The following PIGN variants were observed in gnomAD, a reference collection of about 807,000 sequenced individuals.
PIGN encodes phosphatidylinositol glycan anchor biosynthesis class N, also known as GPI ethanolamine phosphate transferase 1.
PIGN carries 117 observed loss-of-function variants against 125.4 expected under a neutral mutation model. The observed-to-expected ratio is 0.93, with a 90% confidence interval of 0.80 to 1.09. PIGN has a LOEUF of 1.09. Ranked by LOEUF, PIGN falls within the 50% of genes least tolerant of loss-of-function variation. PIGN has a pLI of 0.00. For missense variants in PIGN, 1,075 were observed against 1,094.9 expected (o/e 0.98, Z 0.26); for synonymous variants, 392 against 377.8 (o/e 1.04, Z -0.44).
rs945035029 is a variant in PIGN, at chr18:62,063,271, T to G, written c.2672+9402A>C. ...ATGGTTTTATAGATTTTAGCCAAAA[T>G]CTATGGTTTTATAGATTTTAGCCAA... On this transcript the variant is annotated intron_variant, in intron 30 of 30. Transcript: ENST00000640252. Among the ~76,000 whole-genome samples, 4 of 148,882 alleles carry G rather than the reference T, an allele frequency of 2.7e-5. 1 individual carries two copies. The highest frequency in any genetic ancestry group is 6.0e-5 in the Non-Finnish European group (4 of 67,072).
At chr18:62,053,978 A>G (rs953604854) in intron 30 of PIGN, among the ~76,000 whole-genome samples, 1 of 152,220 alleles carries the variant, frequency 6.6e-6, no homozygotes, top group Non-Finnish European at 1.5e-5. Context: ...AAACTAAACA[A>G]CACAACTGTA....
At chr18:62,034,817 G>A (rs1168309443) in intron 23 of PIGN, among the ~76,000 whole-genome samples, 1 of 152,146 alleles carries the variant, frequency 6.6e-6, no homozygotes, top group Non-Finnish European at 1.5e-5. Context: ...ACTTTGGACT[G>A]TGGACTTCTG....
chr18:62,159,371 G>A (rs17643265), intron 4 of PIGN, among the ~76,000 whole-genome samples: 283 of 152,272 alleles, frequency 1.9e-3, no homozygotes, highest in Non-Finnish European at 3.1e-3. Flanking sequence ...CAGAGCTTCC[G>A]TTAGTAAGAT....
chr18:62,100,164 T>C (rs1429013996), intron 22 of PIGN, among the ~76,000 whole-genome samples: 2 of 151,958 alleles, frequency 1.3e-5, no homozygotes, highest in Non-Finnish European at 2.9e-5. Flanking sequence ...ATGATCTGAG[T>C]AGACATTTCT....
intron 10 of PIGN, 31 bp downstream of exon 10, chr18:62,145,878 T>A: frequency 9.5e-7 from 1 of 1,053,882 alleles, no homozygotes; most frequent in East Asian, 2.4e-5. Flanking sequence ...TAAGAGGTTG[T>A]ATTTATAAAC....
At chr18:62,081,976 C>T (rs920570066) in intron 28 of PIGN, among the ~76,000 whole-genome samples, 1 of 152,076 alleles carries the variant, frequency 6.6e-6, no homozygotes, top group Admixed American at 6.5e-5. Context: ...TTTCTTTCAG[C>T]ATTGAATATG....
At chr18:62,050,571 A>C (rs980815647) in intron 30 of PIGN, among the ~76,000 whole-genome samples, 12 of 151,164 alleles carry the variant, frequency 7.9e-5, no homozygotes, top group Admixed American at 7.9e-4. Context: ...ACTTTGCTGA[A>C]GTTGCTTATC....
Position 62,072,378 on chromosome 18 carries a change from A to G in PIGN, c.2672+295T>C, listed in dbSNP as rs950907373. 1.9e-5 allele frequency: 4 copies of G among 215,150 alleles called. No individual in the cohort carries two copies. In the East Asian group the frequency reaches 3.9e-4, roughly 21 times the overall value. 13.3% of individuals were successfully genotyped at this position (215,150 alleles called of 1,614,324 possible). ...CATGGTAAGTGTCCTAGATAGGTAT[A>G]CCAGTTAAAAAATCTTTTACACTGA... On this transcript the variant is annotated intron_variant, in intron 30 of 30. Transcript: ENST00000640252.
At chr18:62,058,871 TG>T (rs2031923006) in intron 30 of PIGN, 1 of 151,904 alleles carries the variant, frequency 6.6e-6, no homozygotes, top group African/African-American at 2.4e-5. Context: ...ACTCCAAAAT[TG>T]GTACCAGCTC....
At chr18:62,118,980 T>A (rs970443552) in intron 14 of PIGN, among the ~76,000 whole-genome samples, 6 of 151,490 alleles carry the variant, frequency 4.0e-5, no homozygotes, top group Non-Finnish European at 7.4e-5. Flanking sequence ...GAAGTTTTGG[T>A]AGTCTCAAGA....
chr18:62,105,704 T>A lies in PIGN; in HGVS notation c.1768-70A>T, dbSNP rs527468534. 4 of 782,416 alleles carry A rather than the reference T, an allele frequency of 5.1e-6. No homozygotes were observed. The East Asian group carries it at 1.1e-4, about 22-fold the overall frequency. The allele number at this position is 782,416 out of a possible 1,614,324, so 48.5% of individuals were successfully genotyped here. Reference sequence around the variant, plus strand: ...AAACTATCATTAGTGTTTCACAGACTATATGACTGTGAAGGTAAAAGGAAA... The same window carrying A: ...AAACTATCATTAGTGTTTCACAGACAATATGACTGTGAAGGTAAAAGGAAA... On this transcript the variant is annotated intron_variant, in intron 19 of 30. Transcript: ENST00000640252.
At chr18:62,160,259 G>T (rs1175784888) in intron 4 of PIGN, among the ~76,000 whole-genome samples, 3 of 152,194 alleles carry the variant, frequency 2.0e-5, no homozygotes, top group South Asian at 2.1e-4. Context: ...AGGCCTTTCA[G>T]GAGTTGCCAC....
At chr18:62,162,529 A>C (rs2036992029) in intron 2 of PIGN, 200 bp from the exon 3 acceptor site, 1 of 152,168 alleles carries the variant, frequency 6.6e-6, no homozygotes, top group Non-Finnish European at 1.5e-5. Flanking sequence ...AAAACAAATG[A>C]AACATTGGAA....
At chr18:62,082,298 C>T (rs2033484318) in intron 28 of PIGN, among the ~76,000 whole-genome samples, 1 of 152,070 alleles carries the variant, frequency 6.6e-6, no homozygotes, top group Non-Finnish European at 1.5e-5. Flanking sequence ...ATTTATATAA[C>T]ATATTTAAGA....
At chr18:62,095,532 A>C (rs1374764122) in intron 23 of PIGN, among the ~76,000 whole-genome samples, 1 of 152,220 alleles carries the variant, frequency 6.6e-6, no homozygotes, top group Non-Finnish European at 1.5e-5. Context: ...GAATGCAATA[A>C]AAATAAAAAT....
intron 28 of PIGN, among the ~76,000 whole-genome samples, chr18:62,077,100 G>A (rs543450994): frequency 9.8e-5 from 15 of 152,306 alleles, no homozygotes; most frequent in African/African-American, 3.6e-4. Context: ...GCTTTAGAAT[G>A]AGTGCGGTGG....
At position 62,082,754 on chromosome 18, in the gene PIGN, A is replaced by G. The variant is rs2145912826; in HGVS notation, c.2503-8T>C. On this transcript the variant is annotated splice_region_variant and splice_polypyrimidine_tract_variant and intron_variant, in intron 27 of 30. Coordinates refer to ENST00000640252, the MANE Select transcript of PIGN (RefSeq NM_176787.5). ...AACAAAGGGGATTAAAATCTGTAAA[A>G]GAACAATAAATGATGCAAGGAATAA... The G allele has an allele frequency of 1.4e-6, 2 of 1,476,866 alleles. No homozygotes were observed. The highest frequency in any genetic ancestry group is 1.9e-6 in the Non-Finnish European group (2 of 1,079,710). 91.5% of individuals were successfully genotyped at this position (1,476,866 alleles called of 1,614,324 possible). A position where few individuals can be genotyped will look rare whatever the true frequency, so the allele number is the denominator to read the frequency against.
intron 23 of PIGN, among the ~76,000 whole-genome samples, chr18:62,029,857 T>A (rs1201994934): frequency 6.6e-6 from 1 of 152,180 alleles, no homozygotes; most frequent in East Asian, 1.9e-4. Flanking sequence ...CCAGGACTCA[T>A]CAACTTTGTT....
intron 23 of PIGN, among the ~76,000 whole-genome samples, chr18:62,031,619 TC>T (rs1311268345): frequency 2.6e-5 from 4 of 152,116 alleles, no homozygotes; most frequent in Non-Finnish European, 4.4e-5. Flanking sequence ...GGGACCATCC[TC>T]CCCAAACATG....
Sources: allele counts gnomAD v4.1 joint callset (sites outside exome capture counted in the v4.1 genomes callset), GRCh38; gene constraint gnomAD v4.1.1; transcripts MANE v1.5; gene names NCBI Gene and HGNC (gene_info 2026-07-23, HGNC 2026-07-21).